The following CD99 variants were observed in gnomAD, a reference collection of about 807,000 sequenced individuals.
CD99 encodes CD99 antigen.
Under a neutral mutation model 28.4 loss-of-function variants are expected in CD99, and 19 were observed. The observed-to-expected ratio is 0.67, with a 90% CI of 0.47 to 0.98. The LOEUF is 0.98. Among genes scored for constraint, CD99 ranks in the 50% least tolerant of loss-of-function variants. The pLI, the probability that CD99 is intolerant of heterozygous loss-of-function variation, is 0.00. For missense variants in CD99, 283 were observed against 248.8 expected, an observed-to-expected ratio of 1.14 and a Z score of -0.92; for synonymous variants, 103 against 92.1, an observed-to-expected ratio of 1.12 and a Z score of -0.67.
Position 2,722,678 on chromosome X carries a change from C to G in CD99, c.310+4C>G. Reference sequence around the variant, plus strand: ...GATGGCGTTTCAGGTGGAGAAGGTACAGTTATCTTGTTTTCTGTCTCTTTT... The same window carrying G: ...GATGGCGTTTCAGGTGGAGAAGGTAGAGTTATCTTGTTTTCTGTCTCTTTT... On this transcript the variant is annotated splice_donor_region_variant and intron_variant, in intron 6 of 9. Coordinates refer to ENST00000381192, the MANE Select transcript of CD99 (RefSeq NM_002414.5). The G allele has an allele frequency of 6.2e-7, 1 of 1,613,816 alleles. No individual in the cohort carries two copies. The highest frequency in any genetic ancestry group is 8.5e-7 in the Non-Finnish European group (1 of 1,179,762).
intron 2 of CD99, among the ~76,000 whole-genome samples, chrX:2,716,964 G>A (rs1362818950): frequency 3.3e-5 from 5 of 152,018 alleles, no homozygotes; most frequent in Non-Finnish European, 7.4e-5. Flanking sequence ...CATAGATCTC[G>A]GGCTCTGAAA....
chrX:2,734,568 A>G (rs1323743404), intron 8 of CD99, among the ~76,000 whole-genome samples: 1 of 150,582 alleles, frequency 6.6e-6, no homozygotes, highest in African/African-American at 2.4e-5. Context: ...CAACCTTCCA[A>G]AGTGCTGGGA....
chrX:2,738,103 C>T (rs1188150224), intron 8 of CD99, 97 bp from the exon 9 acceptor site: 9 of 1,074,470 alleles, frequency 8.4e-6, no homozygotes, highest in East Asian at 4.7e-5. Flanking sequence ...GCAATAGGAG[C>T]GTCGACCTCA....
Position 2,717,557 on chromosome X carries a change from G to A in CD99, c.101-48G>A, listed in dbSNP as rs775048983. The A allele has an allele frequency of 1.0e-5, 15 of 1,444,796 alleles. No homozygotes were observed. In the African/African-American group the frequency reaches 1.8e-4, roughly 18 times the overall value. 89.5% of individuals were successfully genotyped at this position (1,444,796 alleles called of 1,614,324 possible). A position where few individuals can be genotyped will look rare whatever the true frequency, so the allele number is the denominator to read the frequency against. On this transcript the variant is annotated intron_variant, in intron 2 of 9. Transcript: ENST00000381192. ...CTTAACCACAAAAGAGTTGACACTT[G>A]TTTTCCCAGCTGCAACTTTTACTAA... is the stretch of plus-strand genomic sequence containing the variant.
chrX:2,713,059 C>T (rs1387535019), intron 1 of CD99, among the ~76,000 whole-genome samples: 1 of 151,738 alleles, frequency 6.6e-6, no homozygotes, highest in African/African-American at 2.4e-5. Context: ...AACACACCTA[C>T]ACACATAAAC....
At chrX:2,696,310 G>A (rs1257278104) in intron 1 of CD99, among the ~76,000 whole-genome samples, 2 of 152,344 alleles carry the variant, frequency 1.3e-5, no homozygotes, top group South Asian at 2.1e-4. Context: ...GGTGGGGTTC[G>A]GATTGCTTGT....
chrX:2,727,953 G>A (rs1000751682), intron 8 of CD99, among the ~76,000 whole-genome samples: 1 of 152,146 alleles, frequency 6.6e-6, no homozygotes, highest in African/African-American at 2.4e-5. Flanking sequence ...ATAGATGCTG[G>A]TGTGGACAAA....
At chrX:2,703,774 C>T (rs1033993009) in intron 1 of CD99, among the ~76,000 whole-genome samples, 1 of 152,038 alleles carries the variant, frequency 6.6e-6, no homozygotes, top group Non-Finnish European at 1.5e-5. Flanking sequence ...GAAAGGAGAT[C>T]AGCAGTCGGG....
chrX:2,692,703 A>T (rs2047385998), intron 1 of CD99, among the ~76,000 whole-genome samples: 1 of 152,116 alleles, frequency 6.6e-6, no homozygotes, highest in Non-Finnish European at 1.5e-5. Context: ...CACGGACGGG[A>T]TGGCTCTGTA....
At chrX:2,715,480 T>A (rs1455219078) in intron 2 of CD99, 1 of 151,888 alleles carries the variant, frequency 6.6e-6, no homozygotes, top group African/African-American at 2.4e-5. Context: ...CCGTGGGGCC[T>A]CCTCCTCTGT....
At chrX:2,732,310 G>C (rs2049660638) in intron 8 of CD99, among the ~76,000 whole-genome samples, 1 of 152,106 alleles carries the variant, frequency 6.6e-6, no homozygotes, top group Admixed American at 6.6e-5. Flanking sequence ...AGCTTCCGTG[G>C]CTGGCAAGGG....
At chrX:2,732,723 TTTCC>T (rs1430694769) in intron 8 of CD99, among the ~76,000 whole-genome samples, 1 of 150,510 alleles carries the variant, frequency 6.6e-6, no homozygotes, top group African/African-American at 2.4e-5. Flanking sequence ...TTCTCTCTTC[TTTCC>T]TTCCTTCCTT....
intron 8 of CD99, among the ~76,000 whole-genome samples, chrX:2,729,867 A>G (rs1187091239): frequency 2.0e-5 from 3 of 152,140 alleles, no homozygotes; most frequent in African/African-American, 7.2e-5. Context: ...ACAAAAGCAA[A>G]TATGTCCTGG....
At chrX:2,704,753 G>T (rs1017820884) in intron 1 of CD99, among the ~76,000 whole-genome samples, 2 of 151,796 alleles carry the variant, frequency 1.3e-5, no homozygotes, top group African/African-American at 4.8e-5. Context: ...TCTCTCTGTT[G>T]CCCAGGCTGG....
In CD99 at chrX:2,720,441, C is replaced by T. The variant is rs2048937853; in HGVS notation, c.262+17C>T. On this transcript the variant is annotated intron_variant, in intron 5 of 9. Transcript: ENST00000381192. Reference sequence around the variant, plus strand: ...GTTCCTCCGGTAAGAGTCTCTGACCCTGTGGGATGTCTTCATGTTGTTCAG... The same window carrying T: ...GTTCCTCCGGTAAGAGTCTCTGACCTTGTGGGATGTCTTCATGTTGTTCAG... The T allele has an allele frequency of 2.5e-6, 4 of 1,608,784 alleles. No homozygotes were observed. The highest frequency in any genetic ancestry group is 2.6e-6 in the Non-Finnish European group (3 of 1,175,274).
At chrX:2,727,168 C>T in intron 8 of CD99, 6 of 706,916 alleles carry the variant, frequency 8.5e-6, no homozygotes, top group South Asian at 4.5e-5. Flanking sequence ...ACCAGCACAG[C>T]GGATTCCCTT....
Position 2,702,427 on chromosome X carries a change from A to G in CD99, c.67+11000A>G, listed in dbSNP as rs766080730. On this transcript the variant is annotated intron_variant, in intron 1 of 9. Transcript: ENST00000381192. ...AGATTTTAAATTTTCTGAGAAAGAC[A>G]ATGATATATTTTGGACACCATGAGA... Among the ~76,000 whole-genome samples, 180 of 135,288 alleles carry G rather than the reference A, an allele frequency of 1.3e-3. No individual in the cohort carries two copies. In the Middle Eastern group the frequency reaches 0.035, roughly 26 times the overall value. 88.8% of individuals were successfully genotyped at this position (135,288 alleles called of 152,430 possible).
At chrX:2,699,372 G>A (rs375527831) in intron 1 of CD99, among the ~76,000 whole-genome samples, 9 of 151,142 alleles carry the variant, frequency 6.0e-5, no homozygotes, top group African/African-American at 2.2e-4. Flanking sequence ...ATTTCACTAT[G>A]TTGGCCAGGA....
intron 1 of CD99, among the ~76,000 whole-genome samples, chrX:2,714,011 C>T (rs2048568949): frequency 6.6e-6 from 1 of 151,948 alleles, no homozygotes. Context: ...TCTGGGTTGT[C>T]TAGTGTTTCT....
Sources: gnomAD v4.1 joint callset for allele counts (sites outside exome capture counted in the v4.1 genomes callset) on GRCh38, gnomAD v4.1.1 for gene constraint, MANE v1.5 for transcripts, NCBI Gene and HGNC (gene_info 2026-07-23, HGNC 2026-07-21) for gene names.